Variants in CNTN6 observed in about 807,000 individuals in gnomAD.
CNTN6 encodes the protein contactin-6.
In CNTN6, 137 loss-of-function variants were observed where a neutral mutation model predicts 122.8. That is an observed-to-expected ratio of 1.12 (90% CI 0.97 to 1.29). The LOEUF is 1.29. Among genes scored for constraint, CNTN6 ranks in the 50% most tolerant of loss-of-function variants. The pLI is 0.00. For missense variants in CNTN6, 1,634 were observed against 1,223.4 expected (o/e 1.34, Z -5.01); for synonymous variants, 570 against 426.0 (o/e 1.34, Z -4.16).
At chr3:1,249,271 A>C (rs745427570) in intron 4 of CNTN6, among the ~76,000 whole-genome samples, 1 of 152,346 alleles carries the variant, frequency 6.6e-6, no homozygotes, top group African/African-American at 2.4e-5. Context: ...TGGTCATTCA[A>C]CTATCCATTT....
In CNTN6 at chr3:1,245,231, TATATACAC is replaced by T. The variant is rs1559595752; in HGVS notation, c.358+17240_358+17247del. The stretch of plus-strand genomic sequence containing the variant: ...ATATATATATATATATATATATATA[TATATACAC>T]ACACACATATATATATAACATATAT... On this transcript the variant is annotated intron_variant, in intron 4 of 22. Transcript: ENST00000446702. 1.2e-3 allele frequency among the ~76,000 whole-genome samples: 12 copies of T among 10,232 alleles called. 2 individuals carry two copies. The highest frequency in any genetic ancestry group is 4.2e-3 in the South Asian group (1 of 236). 6.7% of individuals were successfully genotyped at this position (10,232 alleles called of 152,430 possible).
At chr3:1,155,374 G>A (rs573554726) in intron 2 of CNTN6, among the ~76,000 whole-genome samples, 4 of 152,256 alleles carry the variant, frequency 2.6e-5, no homozygotes, top group African/African-American at 9.6e-5. Flanking sequence ...AGACTGCTTA[G>A]GGATAAACCA....
At chr3:1,318,337 T>C (rs1279690807) in intron 7 of CNTN6, among the ~76,000 whole-genome samples, 1 of 151,648 alleles carries the variant, frequency 6.6e-6, no homozygotes, top group Admixed American at 6.6e-5. Flanking sequence ...TTGTCTTATA[T>C]GCCATTCATG....
intron 4 of CNTN6, among the ~76,000 whole-genome samples, chr3:1,246,990 C>G (rs1179657425): frequency 6.6e-6 from 1 of 151,992 alleles, no homozygotes; most frequent in Admixed American, 6.6e-5. Context: ...TTAATCATGT[C>G]TTTTGATAAA....
At chr3:1,177,966 T>A (rs1299808190) in intron 2 of CNTN6, among the ~76,000 whole-genome samples, 1 of 150,586 alleles carries the variant, frequency 6.6e-6, no homozygotes, top group East Asian at 2.0e-4. Flanking sequence ...AGTGGTGCAA[T>A]CTCCGCTCAC....
At position 1,243,533 on chromosome 3, in the gene CNTN6, G is replaced by A. The variant is rs911329862; in HGVS notation, c.358+15540G>A. 3.3e-5 allele frequency among the ~76,000 whole-genome samples: 5 copies of A among 151,974 alleles called. No homozygotes were observed. In the South Asian group the frequency reaches 8.3e-4, roughly 25 times the overall value. On this transcript the variant is annotated intron_variant, in intron 4 of 22. Coordinates refer to ENST00000446702, the MANE Select transcript of CNTN6 (RefSeq NM_001289080.2). Reference sequence around the variant, plus strand: ...ATAAAATGTATTTTGAGAATAAGACGGCCTTTTGACCTTTTAGGGTCTAGG... The same window carrying A: ...ATAAAATGTATTTTGAGAATAAGACAGCCTTTTGACCTTTTAGGGTCTAGG...
chr3:1,121,237 A>G (rs192418947), intron 1 of CNTN6, among the ~76,000 whole-genome samples: 1 of 132,824 alleles, frequency 7.5e-6, no homozygotes, highest in East Asian at 2.1e-4. Flanking sequence ...ATTGGAACAC[A>G]GAGTTAAACA....
chr3:1,165,660 T>C (rs2093230966), intron 2 of CNTN6, among the ~76,000 whole-genome samples: 2 of 152,188 alleles, frequency 1.3e-5, no homozygotes, highest in Admixed American at 1.3e-4. Flanking sequence ...CTGCTGAGTA[T>C]CTCACTAGTT....
At chr3:1,164,280 T>C (rs1159196522) in intron 2 of CNTN6, among the ~76,000 whole-genome samples, 1 of 152,256 alleles carries the variant, frequency 6.6e-6, no homozygotes, top group Non-Finnish European at 1.5e-5. Context: ...CACATGCCCA[T>C]TCTGGCAGCT....
At chr3:1,243,459 C>T (rs1026107693) in intron 4 of CNTN6, among the ~76,000 whole-genome samples, 1 of 151,828 alleles carries the variant, frequency 6.6e-6, no homozygotes, top group African/African-American at 2.4e-5. Context: ...GTTTGAGGGC[C>T]GGAATTTAAT....
At chr3:1,122,867 A>G (rs560714171) in intron 1 of CNTN6, among the ~76,000 whole-genome samples, 1 of 151,856 alleles carries the variant, frequency 6.6e-6, no homozygotes, top group African/African-American at 2.4e-5. Flanking sequence ...TGTTTCCACC[A>G]TTTGGCTATT....
chr3:1,403,464 T>G lies in CNTN6; in HGVS notation c.*46T>G, dbSNP rs184746534. 6.5e-5 allele frequency: 79 copies of G among 1,219,852 alleles called. No homozygotes were observed. The African/African-American group carries it at 9.8e-4, about 15-fold the overall frequency. 75.6% of individuals were successfully genotyped at this position (1,219,852 alleles called of 1,614,324 possible). A position where few individuals can be genotyped will look rare whatever the true frequency, so the allele number is the denominator to read the frequency against. On this transcript the variant is annotated 3_prime_UTR_variant, in exon 23 of 23. Coordinates refer to ENST00000446702, the MANE Select transcript of CNTN6 (RefSeq NM_001289080.2). ...TGAGAGTTTTTTGAAAGCAAATCAT[T>G]CTGTATATATGCTCTCCAGCCTCTG...
intron 7 of CNTN6, among the ~76,000 whole-genome samples, chr3:1,303,294 G>C (rs1180957891): frequency 6.6e-6 from 1 of 152,038 alleles, no homozygotes; most frequent in African/African-American, 2.4e-5. Context: ...TATCATGGTT[G>C]TTTTGTCTCT....
At chr3:1,295,073 T>C (rs1294094526) in intron 5 of CNTN6, among the ~76,000 whole-genome samples, 2 of 152,186 alleles carry the variant, frequency 1.3e-5, no homozygotes, top group Non-Finnish European at 1.5e-5. Flanking sequence ...GGCAACATAG[T>C]GAGACCCCAT....
At chr3:1,282,352 G>A (rs1575545068) in intron 5 of CNTN6, among the ~76,000 whole-genome samples, 1 of 152,168 alleles carries the variant, frequency 6.6e-6, no homozygotes, top group East Asian at 1.9e-4. Flanking sequence ...TAGCAGAGAA[G>A]GCATCACAGT....
chr3:1,387,906 G>C (rs987558819), intron 20 of CNTN6, among the ~76,000 whole-genome samples: 2 of 152,150 alleles, frequency 1.3e-5, no homozygotes, highest in African/African-American at 4.8e-5. Flanking sequence ...GGCTCGGAGG[G>C]TCCTACGCCC....
At chr3:1,152,130 GT>G (rs1428892207) in intron 2 of CNTN6, among the ~76,000 whole-genome samples, 1 of 139,298 alleles carries the variant, frequency 7.2e-6, no homozygotes, top group Admixed American at 6.9e-5. Flanking sequence ...TTATATATTT[GT>G]TTGTTTGTTT....
At chr3:1,109,300 A>T (rs997663130) in intron 1 of CNTN6, among the ~76,000 whole-genome samples, 1 of 152,018 alleles carries the variant, frequency 6.6e-6, no homozygotes, top group Admixed American at 6.6e-5. Flanking sequence ...ATTCTCAAAA[A>T]CTCAATGTAC....
At chr3:1,343,354 ATT>A (rs1704171687) in intron 11 of CNTN6, among the ~76,000 whole-genome samples, 1 of 152,108 alleles carries the variant, frequency 6.6e-6, no homozygotes, top group Non-Finnish European at 1.5e-5. Context: ...GGCCAACTCC[ATT>A]TCTTTGCATC....
Sources: allele counts gnomAD v4.1 joint callset (sites outside exome capture counted in the v4.1 genomes callset), GRCh38; gene constraint gnomAD v4.1.1; transcripts MANE v1.5; gene names NCBI Gene and HGNC (gene_info 2026-07-23, HGNC 2026-07-21).